CTNNBIP1: variants seen among roughly 807,000 people sequenced by gnomAD.
The protein encoded by CTNNBIP1 is beta-catenin-interacting protein 1.
CTNNBIP1 carries 7 observed loss-of-function variants against 11.8 expected under a neutral mutation model. The observed-to-expected ratio is 0.60, with a 90% confidence interval of 0.34 to 1.12. The LOEUF is 1.12. Among genes scored for constraint, CTNNBIP1 ranks in the 50% most tolerant of loss-of-function variants. CTNNBIP1 has a pLI of 0.03. For missense variants in CTNNBIP1, 101 were observed against 113.4 expected, an observed-to-expected ratio of 0.89 and a Z score of 0.50; for synonymous variants, 58 against 43.9, an observed-to-expected ratio of 1.32 and a Z score of -1.26.
At chr1:9,901,300 T>TCC (rs1639516440) in intron 1 of CTNNBIP1, among the ~76,000 whole-genome samples, 1 of 152,154 alleles carries the variant, frequency 6.6e-6, no homozygotes, top group Non-Finnish European at 1.5e-5. Flanking sequence ...GGCAGGTGGC[T>TCC]GTGAGGCCTG....
chr1:9,852,649 C>T (rs1345505374), intron 5 of CTNNBIP1, among the ~76,000 whole-genome samples: 2 of 152,206 alleles, frequency 1.3e-5, no homozygotes, highest in African/African-American at 2.4e-5. Context: ...CTAACAGATG[C>T]CGACTTTTCC....
chr1:9,881,001 C>T (rs1253232606), intron 2 of CTNNBIP1, among the ~76,000 whole-genome samples: 2 of 152,050 alleles, frequency 1.3e-5, no homozygotes, highest in Middle Eastern at 3.2e-3. Flanking sequence ...GGGCCCCATG[C>T]TTGGTTTACT....
intron 5 of CTNNBIP1, among the ~76,000 whole-genome samples, chr1:9,852,375 C>T (rs1020266725): frequency 2.6e-5 from 4 of 152,166 alleles, no homozygotes; most frequent in Non-Finnish European, 4.4e-5. Context: ...ACTGCCAGCT[C>T]GCCTTCATGG....
At chr1:9,869,318 GTGCATATA>G (rs535797642) in intron 5 of CTNNBIP1, among the ~76,000 whole-genome samples, 1 of 151,910 alleles carries the variant, frequency 6.6e-6, no homozygotes, top group Non-Finnish European at 1.5e-5. Context: ...TTTTTTCTAT[GTGCATATA>G]CAGCTTGTGT....
chr1:9,875,952 C>T (rs570565722), intron 3 of CTNNBIP1, among the ~76,000 whole-genome samples: 56 of 152,290 alleles, frequency 3.7e-4, no homozygotes, highest in African/African-American at 1.3e-3. Flanking sequence ...TGGTGCTCAA[C>T]GAGTATATTA....
intron 1 of CTNNBIP1, among the ~76,000 whole-genome samples, chr1:9,888,557 A>G (rs1047634128): frequency 6.6e-6 from 1 of 152,082 alleles, no homozygotes; most frequent in African/African-American, 2.4e-5. Flanking sequence ...CTCAAAAAAA[A>G]AAAAAATTAA....
Position 9,867,283 on chromosome 1 carries a change from T to C in CTNNBIP1, c.187+3904A>G, listed in dbSNP as rs992898376. 6.7e-6 allele frequency among the ~76,000 whole-genome samples: 1 copy of C among 148,812 alleles called. No homozygotes were observed. Among genetic ancestry groups the C allele is most frequent in the African/African-American group, 2.6e-5 (1 of 38,256 alleles). ...ACTGGGGGGCCACTGGGGCCTCTGC[T>C]GGAACCACCTGGTGAGCCCGTAAGG... is the stretch of plus-strand genomic sequence containing the variant. On this transcript the variant is annotated intron_variant, in intron 5 of 5. Coordinates refer to ENST00000377263, the MANE Select transcript of CTNNBIP1 (RefSeq NM_020248.3). This position sits in a 1 kb window ranked among gnomAD's most constrained non-coding sequence, Gnocchi z 4.6.
intron 1 of CTNNBIP1, among the ~76,000 whole-genome samples, chr1:9,885,929 T>C (rs866666427): frequency 6.9e-6 from 1 of 145,460 alleles, no homozygotes; most frequent in South Asian, 2.1e-4. Flanking sequence ...TGAAACTCCA[T>C]CTTGAGGAAA....
chr1:9,908,616 C>A (rs998519876), intron 1 of CTNNBIP1, among the ~76,000 whole-genome samples: 1 of 152,194 alleles, frequency 6.6e-6, no homozygotes, highest in African/African-American at 2.4e-5. Context: ...CCCGCCTCGG[C>A]CTCCCAAAGT....
chr1:9,906,556 T>A (rs141990388), intron 1 of CTNNBIP1, among the ~76,000 whole-genome samples: 1 of 150,732 alleles, frequency 6.6e-6, no homozygotes, highest in Non-Finnish European at 1.5e-5. Flanking sequence ...CAAAACTCCA[T>A]CTAAAAAAAA....
At chr1:9,873,279 CTA>C in intron 3 of CTNNBIP1, among the ~76,000 whole-genome samples, 1 of 152,328 alleles carries the variant, frequency 6.6e-6, no homozygotes. Flanking sequence ...AGCCCAGACT[CTA>C]TTACTCTGTC....
At chr1:9,891,053 C>A (rs1220415226) in intron 1 of CTNNBIP1, among the ~76,000 whole-genome samples, 6 of 151,122 alleles carry the variant, frequency 4.0e-5, no homozygotes, top group Non-Finnish European at 8.8e-5. Context: ...AAAGCTATGC[C>A]AGCTCTTTGC....
At chr1:9,895,718 C>T (rs1177876693) in intron 1 of CTNNBIP1, among the ~76,000 whole-genome samples, 3 of 151,074 alleles carry the variant, frequency 2.0e-5, no homozygotes, top group African/African-American at 7.3e-5. Context: ...GCTGGTCTCT[C>T]GAACTCCTGA....
chr1:9,902,648 C>T (rs1203482327), intron 1 of CTNNBIP1, among the ~76,000 whole-genome samples: 1 of 152,192 alleles, frequency 6.6e-6, no homozygotes, highest in Non-Finnish European at 1.5e-5. Flanking sequence ...TGTCCTGACT[C>T]TCCTCCTAAG....
At chr1:9,875,549 C>A (rs1638950876) in intron 3 of CTNNBIP1, among the ~76,000 whole-genome samples, 1 of 152,200 alleles carries the variant, frequency 6.6e-6, no homozygotes, top group South Asian at 2.1e-4. Context: ...CTTGGGCTGC[C>A]CAGCTGTGGG....
At chr1:9,894,144 C>T (rs1639363061) in intron 1 of CTNNBIP1, among the ~76,000 whole-genome samples, 1 of 152,156 alleles carries the variant, frequency 6.6e-6, no homozygotes, top group Non-Finnish European at 1.5e-5. Flanking sequence ...ATACCTTGCT[C>T]CTGGAGTCCC....
chr1:9,862,223 TTCTC>T (rs1433610111), intron 5 of CTNNBIP1, among the ~76,000 whole-genome samples: 1 of 152,152 alleles, frequency 6.6e-6, no homozygotes, highest in African/African-American at 2.4e-5. Context: ...CCCTGACATA[TTCTC>T]TCTCTTTTTT....
intron 1 of CTNNBIP1, among the ~76,000 whole-genome samples, chr1:9,888,357 G>C (rs183927736): frequency 6.6e-6 from 1 of 151,850 alleles, no homozygotes; most frequent in Non-Finnish European, 1.5e-5. Context: ...TGAGGTGCGC[G>C]GATCACCTGA....
At chr1:9,905,975 C>T (rs2101551027) in intron 1 of CTNNBIP1, among the ~76,000 whole-genome samples, 1 of 152,230 alleles carries the variant, frequency 6.6e-6, no homozygotes, top group East Asian at 1.9e-4. Context: ...AATCTCTGCT[C>T]TCAAAGAGCT....
Sources: allele counts gnomAD v4.1 joint callset (sites outside exome capture counted in the v4.1 genomes callset), GRCh38; gene constraint gnomAD v4.1.1; non-coding constraint Gnocchi (gnomAD v3.1); transcripts MANE v1.5; gene names NCBI Gene and HGNC (gene_info 2026-07-23, HGNC 2026-07-21).